NDST4: variants seen among roughly 807,000 people sequenced by gnomAD.
NDST4 encodes the protein N-heparan sulfate sulfotransferase 4.
NDST4 carries 63 observed loss-of-function variants against 100.8 expected under a neutral mutation model. That is an observed-to-expected ratio of 0.62 (90% CI 0.51 to 0.77). The LOEUF (loss-of-function observed/expected upper bound fraction) is 0.77, where lower values mean the gene tolerates loss of function less well. Ranked by LOEUF, NDST4 falls within the 30% of genes least tolerant of loss-of-function variation. The pLI, the probability that NDST4 is intolerant of heterozygous loss-of-function variation, is 0.00. For missense variants in NDST4, 943 were observed against 1,018.4 expected (o/e 0.93, Z 1.01); for synonymous variants, 377 against 361.8 (o/e 1.04, Z -0.48).
intron 1 of NDST4, among the ~76,000 whole-genome samples, chr4:115,102,704 CTTTTTTTT>C (rs751431042): frequency 8.8e-5 from 8 of 90,578 alleles, no homozygotes; most frequent in African/African-American, 1.9e-4. Context: ...TTCTGACTTC[CTTTTTTTT>C]TTTTTTTTTT....
At chr4:115,085,940 T>C (rs1443426933) in intron 1 of NDST4, among the ~76,000 whole-genome samples, 1 of 152,192 alleles carries the variant, frequency 6.6e-6, no homozygotes, top group Non-Finnish European at 1.5e-5. Flanking sequence ...TTTATGAAAC[T>C]TTATGTTATG....
intron 7 of NDST4, among the ~76,000 whole-genome samples, chr4:114,869,946 G>T (rs2126196485): frequency 6.6e-6 from 1 of 152,210 alleles, no homozygotes; most frequent in South Asian, 2.1e-4. Context: ...GAGGGAGAGA[G>T]GATGACAAAA....
chr4:115,102,464 A>C (rs947485908), intron 1 of NDST4, among the ~76,000 whole-genome samples: 1 of 152,120 alleles, frequency 6.6e-6, no homozygotes, highest in Non-Finnish European at 1.5e-5. Context: ...CAAATTTTCC[A>C]TTATTTTTTA....
chr4:114,886,889 T>C (rs562549340), intron 6 of NDST4, among the ~76,000 whole-genome samples: 1 of 152,290 alleles, frequency 6.6e-6, no homozygotes, highest in African/African-American at 2.4e-5. Flanking sequence ...GTCTTAGCTT[T>C]ATGAATTGCT....
intron 6 of NDST4, among the ~76,000 whole-genome samples, chr4:114,873,907 T>C (rs1176860891): frequency 6.6e-6 from 1 of 152,242 alleles, no homozygotes. Context: ...AGCGTTGTTA[T>C]TTTAAGAAGG....
intron 2 of NDST4, among the ~76,000 whole-genome samples, chr4:115,017,486 A>G (rs1318840136): frequency 6.6e-6 from 1 of 152,066 alleles, no homozygotes; most frequent in Admixed American, 6.6e-5. Flanking sequence ...GCTTTATGCC[A>G]TTCCTTGTTT....
At chr4:114,877,333 T>C (rs1414982099) in intron 6 of NDST4, among the ~76,000 whole-genome samples, 1 of 152,218 alleles carries the variant, frequency 6.6e-6, no homozygotes, top group Non-Finnish European at 1.5e-5. Flanking sequence ...ATATTTTTAC[T>C]TTTTTGGAAA....
chr4:114,927,697 A>T (rs930454356), intron 6 of NDST4, among the ~76,000 whole-genome samples: 1 of 152,174 alleles, frequency 6.6e-6, no homozygotes, highest in African/African-American at 2.4e-5. Context: ...TACTAAGTAC[A>T]GAAAACTATC....
At chr4:115,048,570 G>A (rs1728513723) in intron 2 of NDST4, among the ~76,000 whole-genome samples, 1 of 152,094 alleles carries the variant, frequency 6.6e-6, no homozygotes, top group South Asian at 2.1e-4. Flanking sequence ...ACACGCGTGA[G>A]CCACCGTGCC....
chr4:115,040,241 A>G (rs945766030), intron 2 of NDST4, among the ~76,000 whole-genome samples: 2 of 151,014 alleles, frequency 1.3e-5, no homozygotes, highest in Non-Finnish European at 3.0e-5. Context: ...AATAAAATAT[A>G]CAATAGATCT....
rs76967033 is a variant in NDST4 at position 114,845,432 on chromosome 4, C to G, written c.2115+391G>C. 9.1e-3 allele frequency among the ~76,000 whole-genome samples: 1,388 copies of G among 152,184 alleles called. 27 individuals are homozygous for G. The highest frequency in any genetic ancestry group is 0.031 in the African/African-American group (1,280 of 41,526). ...CTTCACTTTGCTCATTTTTCTACTG[C>G]GATATTTTACTTATTTATTAACTTG... is the stretch of plus-strand genomic sequence containing the variant. On this transcript the variant is annotated intron_variant, in intron 10 of 13. Coordinates refer to ENST00000264363, the MANE Select transcript of NDST4 (RefSeq NM_022569.3).
chr4:115,012,530 A>G (rs1445004300), intron 2 of NDST4, among the ~76,000 whole-genome samples: 2 of 152,060 alleles, frequency 1.3e-5, no homozygotes, highest in Non-Finnish European at 2.9e-5. Context: ...AACAGTTAAT[A>G]TTGAAGTATG....
chr4:115,104,849 G>A (rs2110344937), intron 1 of NDST4, among the ~76,000 whole-genome samples: 1 of 152,180 alleles, frequency 6.6e-6, no homozygotes, highest in East Asian at 1.9e-4. Flanking sequence ...CTTTAAATCA[G>A]TACAAAATGT....
intron 2 of NDST4, among the ~76,000 whole-genome samples, chr4:115,019,528 A>G (rs1727762156): frequency 1.3e-5 from 2 of 152,116 alleles, no homozygotes; most frequent in South Asian, 2.1e-4. Flanking sequence ...GCAGATTCTT[A>G]TTTTAAATAG....
intron 2 of NDST4, among the ~76,000 whole-genome samples, chr4:115,005,999 T>C (rs760415795): frequency 8.2e-6 from 1 of 122,202 alleles, no homozygotes; most frequent in Non-Finnish European, 1.6e-5. Flanking sequence ...GTCACTGCAC[T>C]CCAGCCTGGG....
At position 115,076,429 on chromosome 4, in the gene NDST4, T is replaced by C. The variant is rs1415681205; in HGVS notation, c.608A>G (p.His203Arg). Residue 203 changes from histidine to arginine, a missense_variant, in exon 2 of 14, where the codon CAT becomes CGT. Coordinates refer to ENST00000264363, the MANE Select transcript of NDST4 (RefSeq NM_022569.3). The stretch of plus-strand genomic sequence containing the variant: ...CTCAACCTTGGGGGCTTTGGTAATA[T>C]GCAGCAAAGGAGATTGAGGGTTAAC... ...CFVNPQSPLL[H>R]ITKAPKVEKG... The C allele has an allele frequency of 3.7e-6, 6 of 1,613,976 alleles. No homozygotes were observed. Among genetic ancestry groups the C allele is most frequent in the South Asian group, 1.1e-5 (1 of 91,084 alleles).
intron 2 of NDST4, among the ~76,000 whole-genome samples, chr4:115,052,033 T>A (rs915398484): frequency 6.6e-6 from 1 of 152,140 alleles, no homozygotes; most frequent in East Asian, 1.9e-4. Context: ...TGATGATTAG[T>A]GATGTGAGCA....
intron 1 of NDST4, among the ~76,000 whole-genome samples, 159 bp downstream of exon 1, chr4:115,113,285 C>T (rs1432694509): frequency 1.3e-5 from 2 of 151,708 alleles, no homozygotes; most frequent in Non-Finnish European, 2.9e-5. Flanking sequence ...CACACACATG[C>T]GGAAAAGGGA....
intron 7 of NDST4, 115 bp downstream of exon 7, chr4:114,870,653 G>C (rs1260943521): frequency 1.3e-6 from 1 of 796,666 alleles, no homozygotes; most frequent in African/African-American, 1.8e-5. Flanking sequence ...TATAAAAGAG[G>C]ATTTTGTGTT....
Sources: allele counts gnomAD v4.1 joint callset (sites outside exome capture counted in the v4.1 genomes callset), GRCh38; gene constraint gnomAD v4.1.1; transcripts MANE v1.5; gene names NCBI Gene and HGNC (gene_info 2026-07-23, HGNC 2026-07-21).